The following ENOX1 variants were observed in gnomAD, a reference collection of about 807,000 sequenced individuals.
ENOX1 encodes candidate growth-related and time keeping constitutive hydroquinone (NADH) oxidase.
ENOX1 carries 42 observed loss-of-function variants against 82.5 expected under a neutral mutation model. That is an observed-to-expected ratio of 0.51 (90% CI 0.40 to 0.66). The LOEUF (loss-of-function observed/expected upper bound fraction) is 0.66, where lower values mean the gene tolerates loss of function less well. Among genes scored for constraint, ENOX1 ranks in the 30% least tolerant of loss-of-function variants. ENOX1 has a pLI of 0.00. For missense variants in ENOX1, 608 were observed against 811.6 expected (o/e 0.75, Z 3.05); for synonymous variants, 271 against 282.2 (o/e 0.96, Z 0.40).
chr13:43,604,413 A>C (rs549856748), intron 2 of ENOX1, among the ~76,000 whole-genome samples: 1 of 152,314 alleles, frequency 6.6e-6, no homozygotes, highest in Non-Finnish European at 1.5e-5. Context: ...ATACAGCAAA[A>C]GCAGTACTAA....
At chr13:43,515,774 C>A (rs9567206) in intron 2 of ENOX1, among the ~76,000 whole-genome samples, 52,515 of 152,004 alleles carry the variant, frequency 0.35, 10,731 homozygotes, top group East Asian at 0.81. Flanking sequence ...GAAATCTTTG[C>A]TCTGAGCTTC....
chr13:43,555,879 C>T (rs1266608535), intron 2 of ENOX1, among the ~76,000 whole-genome samples: 2 of 152,198 alleles, frequency 1.3e-5, no homozygotes, highest in Non-Finnish European at 2.9e-5. Context: ...AATCTGCCCA[C>T]TGCAGCTAGG....
chr13:43,400,647 A>G (rs1594348153), intron 5 of ENOX1, among the ~76,000 whole-genome samples: 1 of 152,322 alleles, frequency 6.6e-6, no homozygotes, highest in East Asian at 1.9e-4. Context: ...TACAATATCT[A>G]GATCACAGGA....
intron 14 of ENOX1, among the ~76,000 whole-genome samples, chr13:43,257,846 G>T (rs1018222501): frequency 6.6e-6 from 1 of 152,170 alleles, no homozygotes; most frequent in Non-Finnish European, 1.5e-5. Flanking sequence ...TCAGATCTTG[G>T]TTTTATCTAT....
intron 2 of ENOX1, among the ~76,000 whole-genome samples, chr13:43,568,924 T>C (rs1329290): frequency 0.97 from 147,944 of 152,218 alleles, 72,037 homozygotes; most frequent in East Asian, 1. Context: ...AAAGTACAAC[T>C]TAATGATTTC....
intron 2 of ENOX1, among the ~76,000 whole-genome samples, chr13:43,606,875 G>C (rs761380354): frequency 1.3e-5 from 2 of 152,000 alleles, no homozygotes; most frequent in Non-Finnish European, 2.9e-5. Flanking sequence ...AAAATTAGCC[G>C]GGTATGGTGG....
intron 1 of ENOX1, among the ~76,000 whole-genome samples, chr13:43,762,336 G>A (rs1951033380): frequency 6.6e-6 from 1 of 152,190 alleles, no homozygotes; most frequent in African/African-American, 2.4e-5. Context: ...CAAGTTGGGA[G>A]CTATTATTCG....
intron 2 of ENOX1, among the ~76,000 whole-genome samples, chr13:43,516,721 A>G (rs2077574633): frequency 6.6e-6 from 1 of 152,184 alleles, no homozygotes; most frequent in Non-Finnish European, 1.5e-5. Flanking sequence ...GTAGTAAATC[A>G]AACAGGATAG....
intron 2 of ENOX1, among the ~76,000 whole-genome samples, chr13:43,646,690 G>A (rs535132476): frequency 4.7e-4 from 71 of 152,242 alleles, no homozygotes; most frequent in Non-Finnish European, 8.7e-4. Flanking sequence ...CAGAGGATAT[G>A]GGAAGATTTC....
intron 1 of ENOX1, among the ~76,000 whole-genome samples, chr13:43,779,531 G>A (rs896440398): frequency 4.6e-5 from 7 of 152,202 alleles, no homozygotes; most frequent in African/African-American, 1.4e-4. Flanking sequence ...GAAGCAGGGA[G>A]TGTCAGGGCA....
intron 11 of ENOX1, among the ~76,000 whole-genome samples, chr13:43,311,782 A>C (rs773115221): frequency 2.6e-5 from 4 of 152,234 alleles, no homozygotes; most frequent in Admixed American, 1.3e-4. Flanking sequence ...TCCCACACAC[A>C]TTGTGAGAAT....
chr13:43,423,449 A>G (rs2055095574), intron 3 of ENOX1, among the ~76,000 whole-genome samples: 1 of 152,246 alleles, frequency 6.6e-6, no homozygotes, highest in Non-Finnish European at 1.5e-5. Context: ...ATACAGGTTC[A>G]TAGAGTAATT....
intron 2 of ENOX1, among the ~76,000 whole-genome samples, chr13:43,636,238 T>C (rs2083409610): frequency 6.6e-6 from 1 of 152,194 alleles, no homozygotes; most frequent in South Asian, 2.1e-4. Context: ...GCAAATACTA[T>C]AAAAGGGCCT....
At chr13:43,520,133 A>G (rs889230485) in intron 2 of ENOX1, among the ~76,000 whole-genome samples, 2 of 152,190 alleles carry the variant, frequency 1.3e-5, no homozygotes, top group African/African-American at 4.8e-5. Flanking sequence ...AAGTGAATAA[A>G]TAAGTGCACT....
intron 2 of ENOX1, among the ~76,000 whole-genome samples, chr13:43,570,688 G>A (rs1437163760): frequency 6.6e-6 from 1 of 152,112 alleles, no homozygotes; most frequent in Non-Finnish European, 1.5e-5. Flanking sequence ...GTCAGTCAGA[G>A]TGAATGAGTG....
At chr13:43,479,552 A>G (rs896132465) in intron 3 of ENOX1, among the ~76,000 whole-genome samples, 2 of 152,164 alleles carry the variant, frequency 1.3e-5, no homozygotes, top group African/African-American at 2.4e-5. Flanking sequence ...CCATGTTCCT[A>G]TATCAAGAAA....
At chr13:43,780,137 G>T (rs1952178103) in intron 1 of ENOX1, among the ~76,000 whole-genome samples, 1 of 151,090 alleles carries the variant, frequency 6.6e-6, no homozygotes, top group Non-Finnish European at 1.5e-5. Flanking sequence ...CTCCAGCCTG[G>T]GCGACAGAGC....
intron 5 of ENOX1, among the ~76,000 whole-genome samples, chr13:43,401,692 G>A (rs938888446): frequency 6.6e-6 from 1 of 152,154 alleles, no homozygotes; most frequent in African/African-American, 2.4e-5. Flanking sequence ...AGCTCACAAA[G>A]GACAGGGAGT....
intron 5 of ENOX1, among the ~76,000 whole-genome samples, chr13:43,389,687 C>T (rs966692539): frequency 6.6e-6 from 1 of 152,112 alleles, no homozygotes; most frequent in Admixed American, 6.6e-5. Flanking sequence ...AACTGAAGGT[C>T]AAAGAGGTAA....
Sources: gnomAD v4.1 joint callset for allele counts (sites outside exome capture counted in the v4.1 genomes callset) on GRCh38, gnomAD v4.1.1 for gene constraint, MANE v1.5 for transcripts, NCBI Gene and HGNC (gene_info 2026-07-23, HGNC 2026-07-21) for gene names.